IL1RAPL2: variants seen among roughly 807,000 people sequenced by gnomAD.
The protein encoded by IL1RAPL2 is interleukin 1 receptor accessory protein like 2, also known as X-linked interleukin-1 receptor accessory protein-like 2.
A neutral mutation model predicts 44.1 loss-of-function variants in IL1RAPL2; 3 were observed. That is an observed-to-expected ratio of 0.07 (90% CI 0.03 to 0.18). IL1RAPL2 has a LOEUF of 0.18. Ranked by LOEUF, IL1RAPL2 falls within the 10% of genes least tolerant of loss-of-function variation. The pLI is 1.00. For synonymous variants in IL1RAPL2, 181 were observed against 178.8 expected, an observed-to-expected ratio of 1.01 and a Z score of -0.10; for missense variants, 391 against 496.4, an observed-to-expected ratio of 0.79 and a Z score of 2.02.
At chrX:105,561,598 G>T (rs1272448406) in intron 6 of IL1RAPL2, among the ~76,000 whole-genome samples, 2 of 111,335 alleles carry the variant, frequency 1.8e-5, no homozygotes, top group African/African-American at 6.5e-5. Context: ...CAGAAAAAGT[G>T]ATATTCATTA....
intron 2 of IL1RAPL2, among the ~76,000 whole-genome samples, chrX:105,152,479 A>G (rs1024884043): frequency 7.1e-5 from 8 of 112,386 alleles, no homozygotes; most frequent in Non-Finnish European, 1.5e-4. Context: ...TATGTGCCCT[A>G]TAATTCATTT....
At chrX:104,680,656 A>G (rs1930875887) in intron 2 of IL1RAPL2, among the ~76,000 whole-genome samples, 1 of 111,726 alleles carries the variant, frequency 9.0e-6, no homozygotes, top group Admixed American at 9.5e-5. Flanking sequence ...TATAAAATGA[A>G]TCATTGGATA....
chrX:105,723,076 TCTC>T (rs1451030658), intron 7 of IL1RAPL2, among the ~76,000 whole-genome samples: 1 of 111,475 alleles, frequency 9.0e-6, no homozygotes, highest in Non-Finnish European at 1.9e-5. Context: ...TTCATTTTCT[TCTC>T]TCATTTTACC....
intron 3 of IL1RAPL2, among the ~76,000 whole-genome samples, chrX:105,231,776 G>A (rs782216064): frequency 8.9e-5 from 10 of 112,069 alleles, no homozygotes; most frequent in African/African-American, 2.6e-4. Flanking sequence ...ATGAGTAAAG[G>A]AGAGAATGTT....
At chrX:105,099,630 AT>A (rs749506888) in intron 2 of IL1RAPL2, among the ~76,000 whole-genome samples, 1 of 104,546 alleles carries the variant, frequency 9.6e-6, no homozygotes, top group Non-Finnish European at 2.0e-5. Flanking sequence ...ACGCCTGGCT[AT>A]TTTTTTTTGT....
chrX:104,728,683 C>T (rs772703206), intron 2 of IL1RAPL2, among the ~76,000 whole-genome samples: 1 of 111,062 alleles, frequency 9.0e-6, no homozygotes, highest in African/African-American at 3.3e-5. Flanking sequence ...GATAAGCTGC[C>T]ACATACCTGC....
intron 2 of IL1RAPL2, among the ~76,000 whole-genome samples, chrX:105,014,743 T>C (rs2031136445): frequency 8.9e-6 from 1 of 112,520 alleles, no homozygotes; most frequent in Non-Finnish European, 1.9e-5. Context: ...GTTCCAAGTC[T>C]TTGCTACTGT....
rs1168785620 is a variant in IL1RAPL2, at chrX:105,075,681, T to C, written c.83-119794T>C. 2.7e-5 allele frequency among the ~76,000 whole-genome samples: 3 copies of C among 112,057 alleles called. No homozygotes were observed. In the Admixed American group the frequency reaches 2.9e-4, roughly 11 times the overall value. ...TGAATCCATCTGGTCCTGGACTTTT[T>C]TTGGTTGGTAAGCTATTAATTATTG... On this transcript the variant is annotated intron_variant, in intron 2 of 10. Coordinates refer to ENST00000372582, the MANE Select transcript of IL1RAPL2 (RefSeq NM_017416.2).
intron 6 of IL1RAPL2, among the ~76,000 whole-genome samples, chrX:105,601,330 AAAG>A (rs2037250580): frequency 9.0e-6 from 1 of 111,222 alleles, no homozygotes. Context: ...CCTCCTTCAC[AAAG>A]AAGGACCAAA....
chrX:104,966,953 A>G (rs1157586284), intron 2 of IL1RAPL2, among the ~76,000 whole-genome samples: 1 of 112,521 alleles, frequency 8.9e-6, no homozygotes, highest in African/African-American at 3.2e-5. Flanking sequence ...TTTTAAAAAT[A>G]AGAGCTCTTT....
At chrX:104,585,273 A>AT (rs1928499796) in intron 1 of IL1RAPL2, among the ~76,000 whole-genome samples, 2 of 17,304 alleles carry the variant, frequency 1.2e-4, no homozygotes, top group African/African-American at 5.7e-4. Context: ...ATAATATATT[A>AT]TATATATTAT....
At chrX:105,026,197 G>A (rs1328088197) in intron 2 of IL1RAPL2, among the ~76,000 whole-genome samples, 1 of 111,011 alleles carries the variant, frequency 9.0e-6, no homozygotes, top group East Asian at 2.8e-4. Flanking sequence ...CTAACCTTTA[G>A]TGAAAGCCTA....
intron 2 of IL1RAPL2, among the ~76,000 whole-genome samples, chrX:105,147,799 A>C (rs1377178390): frequency 8.9e-6 from 1 of 111,854 alleles, no homozygotes; most frequent in Non-Finnish European, 1.9e-5. Flanking sequence ...TGCCATTATG[A>C]ATATTCATGT....
At chrX:104,880,762 G>C (rs1192413804) in intron 2 of IL1RAPL2, among the ~76,000 whole-genome samples, 1 of 112,396 alleles carries the variant, frequency 8.9e-6, no homozygotes, top group Non-Finnish European at 1.9e-5. Flanking sequence ...TAGAATTGTA[G>C]TATCTTACAA....
chrX:105,076,143 A>T (rs764757030), intron 2 of IL1RAPL2, among the ~76,000 whole-genome samples: 1 of 110,848 alleles, frequency 9.0e-6, no homozygotes, highest in East Asian at 2.8e-4. Context: ...TTAGGGTGTC[A>T]GTTTTAGATC....
intron 6 of IL1RAPL2, among the ~76,000 whole-genome samples, chrX:105,665,344 C>CGCGTGTGTGTGT (rs1197936624): frequency 1.5e-3 from 146 of 98,552 alleles, no homozygotes; most frequent in African/African-American, 5.1e-3. Context: ...TATGCGCGTG[C>CGCGTGTGTGTGT]GTGTGTGTGT....
intron 2 of IL1RAPL2, among the ~76,000 whole-genome samples, chrX:104,942,760 C>T (rs10855535): frequency 1.8e-5 from 2 of 110,293 alleles, no homozygotes; most frequent in Non-Finnish European, 3.8e-5. Flanking sequence ...AAAGGGCATC[C>T]CTGTCTTGTG....
intron 1 of IL1RAPL2, among the ~76,000 whole-genome samples, chrX:104,633,787 A>G (rs1929717738): frequency 9.0e-6 from 1 of 111,035 alleles, no homozygotes; most frequent in Non-Finnish European, 1.9e-5. Flanking sequence ...AGTTTCAAAA[A>G]ACCAGCCCCT....
At chrX:105,221,425 AAG>A (rs1418371025) in intron 3 of IL1RAPL2, among the ~76,000 whole-genome samples, 11 of 110,995 alleles carry the variant, frequency 9.9e-5, no homozygotes, top group Non-Finnish European at 1.7e-4. Flanking sequence ...AAAAAAAAAA[AAG>A]AAAAACGAGT....
Sources: gnomAD v4.1 joint callset for allele counts (sites outside exome capture counted in the v4.1 genomes callset) on GRCh38, gnomAD v4.1.1 for gene constraint, MANE v1.5 for transcripts, NCBI Gene and HGNC (gene_info 2026-07-23, HGNC 2026-07-21) for gene names.